The following CRELD2 variants were observed in gnomAD, a reference collection of about 807,000 sequenced individuals.
CRELD2 encodes the protein protein disulfide isomerase CRELD2.
A neutral mutation model predicts 48.1 loss-of-function variants in CRELD2; 33 were observed. That is an observed-to-expected ratio of 0.69 (90% CI 0.52 to 0.92). The LOEUF (loss-of-function observed/expected upper bound fraction) is 0.92. Ranked by LOEUF, CRELD2 falls within the 40% of genes least tolerant of loss-of-function variation. The pLI is 0.00. For missense variants in CRELD2, 477 were observed against 482.4 expected, an observed-to-expected ratio of 0.99 and a Z score of 0.10; for synonymous variants, 220 against 203.9, an observed-to-expected ratio of 1.08 and a Z score of -0.67.
Position 49,918,642 on chromosome 22 carries a change from G to T in CRELD2, c.-128G>T, listed in dbSNP as rs553525421. 12 of 351,312 alleles carry T rather than the reference G, an allele frequency of 3.4e-5. No individual in the cohort carries two copies. In the South Asian group the frequency reaches 1.6e-3, roughly 46 times the overall value. 21.8% of individuals were successfully genotyped at this position (351,312 alleles called of 1,614,324 possible). On this transcript the variant is annotated 5_prime_UTR_variant, in exon 1 of 10. Coordinates refer to ENST00000328268, the MANE Select transcript of CRELD2 (RefSeq NM_024324.5). ...GGGCTGGCGGGTGGGGCGGGGCCTC[G>T]CCGGCGCCGTCAAGTAGCCTGGGGG...
intron 7 of CRELD2, chr22:49,924,137 A>C (rs2060732107): frequency 4.6e-6 from 2 of 436,760 alleles, no homozygotes; most frequent in Admixed American, 3.8e-5. Context: ...AAGAGTTCCA[A>C]GCCAGGTGGT....
chr22:49,921,454 C>A, intron 4 of CRELD2, 131 bp from the exon 5 acceptor site: 2 of 991,406 alleles, frequency 2.0e-6, no homozygotes, highest in Non-Finnish European at 2.9e-6. Flanking sequence ...CAAACACCCA[C>A]TCCAAGCCTT....
chr22:49,927,163 A>C, intron 9 of CRELD2, 92 bp from the exon 10 acceptor site: 7 of 1,130,732 alleles, frequency 6.2e-6, no homozygotes, highest in Non-Finnish European at 9.4e-6. Context: ...CTGGACGGGC[A>C]GGCCCTGCAC....
Position 49,919,737 on chromosome 22 carries a change from C to G in CRELD2, c.220C>G (p.Arg74Gly). The change falls in exon 3 of 10, where the codon CGC (arginine) becomes GGC (glycine). Residue 74 changes from arginine (R) to glycine (G), a missense_variant. Physicochemically the swap from Arg to Gly is moderately radical, Grantham distance 125. Coordinates refer to ENST00000328268, the MANE Select transcript of CRELD2 (RefSeq NM_024324.5). The stretch of plus-strand genomic sequence containing the variant: ...TGTGGGCCTGTGTTTCAGCGAGATT[C>G]GCCTGCTGGAGATCCTGGAGGGGCT... ...TLSKYESSEI[R>G]LLEILEGLCE... The G allele has an allele frequency of 6.2e-7, 1 of 1,607,252 alleles. No individual in the cohort carries two copies.
At chr22:49,926,362 G>A (rs1221624859) in intron 9 of CRELD2, 2 of 152,192 alleles carry the variant, frequency 1.3e-5, no homozygotes, top group East Asian at 1.9e-4. Context: ...TAGAGAGTGG[G>A]AAAGAAGCAG....
chr22:49,921,941 G>A, intron 5 of CRELD2, 180 bp downstream of exon 5: 1 of 657,016 alleles, frequency 1.5e-6, no homozygotes, highest in Non-Finnish European at 2.6e-6. Flanking sequence ...GAGGTTGTCG[G>A]GCACTTCCTG....
chr22:49,922,581 G>T, intron 5 of CRELD2, 31 bp from the exon 6 acceptor site: 1 of 1,513,804 alleles, frequency 6.6e-7, no homozygotes. Context: ...TGAGAGTGGG[G>T]TTTGTACCCA....
Position 49,919,225 on chromosome 22 carries a change from C to T in CRELD2, c.130-5C>T. 1 of 1,613,456 alleles carries T rather than the reference C, an allele frequency of 6.2e-7. No individual in the cohort carries two copies. The highest frequency in any genetic ancestry group is 8.5e-7 in the Non-Finnish European group (1 of 1,179,814). ...CCAAGCACTATGGGCACTGTCTCCT[C>T]GCAGGGGATGGTGGACACCGCAAAG... On this transcript the variant is annotated splice_region_variant and splice_polypyrimidine_tract_variant and intron_variant, in intron 1 of 9. Transcript: ENST00000328268.
intron 5 of CRELD2, chr22:49,922,126 G>A: frequency 1.3e-6 from 1 of 754,418 alleles, no homozygotes; most frequent in Admixed American, 3.0e-5. Flanking sequence ...GTTATGAGTG[G>A]CATCTTTCCA....
chr22:49,922,922 TGAGGTGGG>T (rs2060715828), intron 6 of CRELD2, among the ~76,000 whole-genome samples: 1 of 17,800 alleles, frequency 5.6e-5, no homozygotes, highest in African/African-American at 4.6e-4. Context: ...TGTGGGGGCG[TGAGGTGGG>T]GGCGTGAGGT....
At chr22:49,919,405 A>C in intron 2 of CRELD2, 93 bp downstream of exon 2, 1 of 1,182,260 alleles carries the variant, frequency 8.5e-7, no homozygotes, top group Non-Finnish European at 1.2e-6. Flanking sequence ...TGACAGGGAG[A>C]CAGAACAGCC....
chr22:49,920,124 G>A (rs746266395), intron 3 of CRELD2, 32 bp from the exon 4 acceptor site: 2 of 1,405,788 alleles, frequency 1.4e-6, no homozygotes. Flanking sequence ...CGTGTCTGCT[G>A]GGATTCAGTG....
chr22:49,918,987 C>A, intron 1 of CRELD2, 89 bp downstream of exon 1: 1 of 1,135,446 alleles, frequency 8.8e-7, no homozygotes, highest in Non-Finnish European at 1.2e-6. Flanking sequence ...GGCCCAGGGT[C>A]GCCCTCACCC....
Position 49,925,717 on chromosome 22 carries a change from C to T in CRELD2, c.1009+160C>T, listed in dbSNP as rs763689543. 40 of 1,443,780 alleles carry T rather than the reference C, an allele frequency of 2.8e-5. No homozygotes were observed. The African/African-American group carries it at 3.6e-4, about 13-fold the overall frequency. The allele number at this position is 1,443,780 out of a possible 1,614,324, so 89.4% of individuals were successfully genotyped here. A position where few individuals can be genotyped will look rare whatever the true frequency, so the allele number is the denominator to read the frequency against. On this transcript the variant is annotated intron_variant, in intron 9 of 9. Coordinates refer to ENST00000328268, the MANE Select transcript of CRELD2 (RefSeq NM_024324.5). ...GGTGCATGACATCTCTGTGTGGGCA[C>T]GCTTGCGCGAGAGGTACTGGCTTCC...
intron 8 of CRELD2, chr22:49,924,835 A>T (rs2060741942): frequency 1.1e-5 from 2 of 174,518 alleles, no homozygotes; most frequent in South Asian, 2.3e-4. Flanking sequence ...AACCCGGTGG[A>T]GAAAGTGGGT....
Position 49,921,668 on chromosome 22 carries a change from CG to C in CRELD2, c.501del (p.Cys168AlafsTer42). 6.2e-7 allele frequency: 1 copy of C among 1,612,912 alleles called. No individual in the cohort carries two copies. Among genetic ancestry groups the C allele is most frequent in the Non-Finnish European group, 8.5e-7 (1 of 1,179,974 alleles). On this transcript the variant is annotated frameshift_variant, in exon 5 of 10. Coordinates refer to ENST00000328268, the MANE Select transcript of CRELD2 (RefSeq NM_024324.5). LOFTEE classifies it high-confidence loss of function. ...GAGCAGACAGGGCGACGGGTCCTGC[CG>C]GTGCCACATGGGGTACCAGGGCCCG... is the stretch of plus-strand genomic sequence containing the variant. Reference protein sequence around the residue: ...DGSRQGDGSCRCHMGYQGPLC... With the variant: ...DGSRQGDGSCXCHMGYQGPLC...
chr22:49,926,183 T>A (rs2060761787), intron 9 of CRELD2: 1 of 152,492 alleles, frequency 6.6e-6, no homozygotes. Context: ...TGTCCAAACC[T>A]CCCCTCTTTG....
chr22:49,922,852 GTGT>G (rs1387595365), intron 6 of CRELD2, 145 bp downstream of exon 6: 2 of 166,122 alleles, frequency 1.2e-5, no homozygotes, highest in South Asian at 1.3e-4. Context: ...GGGGCGTGAG[GTGT>G]GGGGCTTGGG....
chr22:49,925,514 C>T lies in CRELD2; in HGVS notation c.966C>T (p.Gly322=). The change falls in exon 9 of 10, where the codon GGC becomes GGT. Residue 322 remains glycine (G), a synonymous_variant. Coordinates refer to ENST00000328268, the MANE Select transcript of CRELD2 (RefSeq NM_024324.5). ...PGSYVCVCPD[G]FEETEDACVP... Reference sequence around the variant, plus strand: ...GCTACGTCTGTGTGTGTCCTGACGGCTTCGAAGAAACGGAAGATGCCTGTG... The same window carrying T: ...GCTACGTCTGTGTGTGTCCTGACGGTTTCGAAGAAACGGAAGATGCCTGTG... The T allele has an allele frequency of 1.2e-6, 2 of 1,613,968 alleles. No individual in the cohort carries two copies. The highest frequency in any genetic ancestry group is 1.7e-6 in the Non-Finnish European group (2 of 1,180,002).
Sources: allele counts gnomAD v4.1 joint callset (sites outside exome capture counted in the v4.1 genomes callset), GRCh38; gene constraint gnomAD v4.1.1; transcripts MANE v1.5; gene names NCBI Gene and HGNC (gene_info 2026-07-23, HGNC 2026-07-21).